PCNX2: variants seen among roughly 807,000 people sequenced by gnomAD.
The protein encoded by PCNX2 is pecanex 2, also known as pecanex-like protein 2.
Under a neutral mutation model 223.8 loss-of-function variants are expected in PCNX2, and 168 were observed. That is an observed-to-expected ratio of 0.75 (90% CI 0.66 to 0.85). The LOEUF (loss-of-function observed/expected upper bound fraction) is 0.85. Among genes scored for constraint, PCNX2 ranks in the 40% least tolerant of loss-of-function variants. The pLI is 0.00. For synonymous variants in PCNX2, 1,006 were observed against 1,052.6 expected (o/e 0.96, Z 0.86); for missense variants, 2,507 against 2,675.5 (o/e 0.94, Z 1.39).
intron 15 of PCNX2, among the ~76,000 whole-genome samples, chr1:233,194,781 C>G (rs1680625931): frequency 6.6e-6 from 1 of 152,018 alleles, no homozygotes; most frequent in African/African-American, 2.4e-5. Flanking sequence ...CTTTGGGAGG[C>G]CGAGGCAGGC....
chr1:233,238,365 C>A (rs755929550), intron 8 of PCNX2, among the ~76,000 whole-genome samples: 1 of 152,112 alleles, frequency 6.6e-6, no homozygotes, highest in African/African-American at 2.4e-5. Context: ...CATAAACACA[C>A]CAATAGTTAT....
intron 1 of PCNX2, among the ~76,000 whole-genome samples, chr1:233,276,224 A>C (rs1348050167): frequency 2.6e-5 from 4 of 152,220 alleles, no homozygotes; most frequent in African/African-American, 9.6e-5. Flanking sequence ...AATCACGAAC[A>C]AGCAAATTCT....
At position 233,164,903 on chromosome 1, in the gene PCNX2, T is replaced by G. The variant is rs536456849; in HGVS notation, c.3274-3540A>C. Among the ~76,000 whole-genome samples the G allele has an allele frequency of 9.9e-5, 15 of 152,044 alleles. No homozygotes were observed. The South Asian group carries it at 2.3e-3, about 23-fold the overall frequency. ...GGGGAGAAGGAAGGGGGAGGAGAGA[T>G]TGTTCAATGAATACAAAATTATAGT... On this transcript the variant is annotated intron_variant, in intron 17 of 33. Coordinates refer to ENST00000258229, the MANE Select transcript of PCNX2 (RefSeq NM_014801.4).
intron 25 of PCNX2, among the ~76,000 whole-genome samples, chr1:233,032,203 A>G (rs565737472): frequency 1.3e-5 from 2 of 152,112 alleles, no homozygotes; most frequent in South Asian, 4.1e-4. Context: ...CCCGGGTTCA[A>G]GCGATTTTCC....
rs1190908934 is a variant in PCNX2 at position 233,000,555 on chromosome 1, G to A, written c.5098-20C>T. 3 of 1,556,296 alleles carry A rather than the reference G, an allele frequency of 1.9e-6. No homozygotes were observed. The highest frequency in any genetic ancestry group is 3.8e-5 in the Admixed American group (2 of 52,606). ...CTGGTCCTGGTGGGAAGAAGTGTGG[G>A]TGTGGGCTGGGCAAGGACCAGAGGA... On this transcript the variant is annotated intron_variant, in intron 29 of 33. Coordinates refer to ENST00000258229, the MANE Select transcript of PCNX2 (RefSeq NM_014801.4). This position sits in a 1 kb window ranked among gnomAD's most constrained non-coding sequence, Gnocchi z 4.6.
chr1:233,034,225 A>G (rs1671368675), intron 25 of PCNX2, among the ~76,000 whole-genome samples: 1 of 152,112 alleles, frequency 6.6e-6, no homozygotes, highest in African/African-American at 2.4e-5. Flanking sequence ...ACAAACAAAC[A>G]AAGAAACAAG....
intron 13 of PCNX2, among the ~76,000 whole-genome samples, chr1:233,207,470 A>T (rs1186148549): frequency 3.3e-5 from 5 of 152,192 alleles, no homozygotes; most frequent in African/African-American, 1.2e-4. Flanking sequence ...AAACCCCTGG[A>T]TGTCTCTGCA....
At chr1:233,134,061 T>A (rs1676664602) in intron 21 of PCNX2, among the ~76,000 whole-genome samples, 1 of 151,944 alleles carries the variant, frequency 6.6e-6, no homozygotes, top group Admixed American at 6.6e-5. Flanking sequence ...GGTGAAAAAA[T>A]TTTAAAAATT....
intron 9 of PCNX2, among the ~76,000 whole-genome samples, chr1:233,235,200 A>C (rs572559439): frequency 6.6e-6 from 1 of 152,204 alleles, no homozygotes; most frequent in African/African-American, 2.4e-5. Context: ...GAGAATAAAC[A>C]GTCCCAAAAG....
chr1:233,235,404 G>A (rs115833812), intron 9 of PCNX2, among the ~76,000 whole-genome samples: 17 of 152,114 alleles, frequency 1.1e-4, no homozygotes, highest in African/African-American at 4.1e-4. Flanking sequence ...CCCCACTTCA[G>A]CTTCCCAAAG....
chr1:233,296,002 C>CT (rs61285792), upstream of PCNX2, among the ~76,000 whole-genome samples: 35 of 134,528 alleles, frequency 2.6e-4, 1 homozygote, highest in South Asian at 6.9e-4. Context: ...TTCTTTCTTT[C>CT]TTTTTTTTTT....
chr1:233,244,081 G>A (rs1025800435), intron 8 of PCNX2, among the ~76,000 whole-genome samples: 3 of 152,102 alleles, frequency 2.0e-5, no homozygotes, highest in Non-Finnish European at 4.4e-5. Flanking sequence ...CGCCCGCCAT[G>A]GCCTCCCAAA....
At chr1:232,997,184 G>T (rs1176577705) in intron 32 of PCNX2, among the ~76,000 whole-genome samples, 2 of 152,242 alleles carry the variant, frequency 1.3e-5, no homozygotes, top group East Asian at 1.9e-4. Flanking sequence ...CCACAGTTGG[G>T]TCTGTCGCTT....
In PCNX2 at chr1:233,116,789, A is replaced by G. The variant is rs1675436689; in HGVS notation, c.3837+18224T>C. On this transcript the variant is annotated intron_variant, in intron 21 of 33. Transcript: ENST00000258229. ...AAATCCCAAGAGAAGAAAGAAAATAATAAAGATAAAAGCAGAAATCTATGA... is the reference window on the plus strand; with the variant it reads ...AAATCCCAAGAGAAGAAAGAAAATAGTAAAGATAAAAGCAGAAATCTATGA... 2.6e-5 allele frequency among the ~76,000 whole-genome samples: 4 copies of G among 152,126 alleles called. No individual in the cohort carries two copies. In the South Asian group the frequency reaches 8.3e-4, roughly 31 times the overall value.
intron 23 of PCNX2, among the ~76,000 whole-genome samples, chr1:233,068,112 T>C (rs1558200705): frequency 6.6e-6 from 1 of 152,190 alleles, no homozygotes; most frequent in Non-Finnish European, 1.5e-5. Context: ...TTCTGAATTA[T>C]TGCAGATTTC....
rs1360464529 is a variant in PCNX2, at chr1:233,292,198, C to CTTT, written c.153+3125_153+3127dup. Among the ~76,000 whole-genome samples, 371 of 134,094 alleles carry CTTT rather than the reference C, an allele frequency of 2.8e-3. 6 individuals are homozygous for CTTT. The highest frequency in any genetic ancestry group is 0.01 in the African/African-American group (338 of 33,674). 88.0% of individuals were successfully genotyped at this position (134,094 alleles called of 152,430 possible). On this transcript the variant is annotated intron_variant, in intron 1 of 33. Coordinates refer to ENST00000258229, the MANE Select transcript of PCNX2 (RefSeq NM_014801.4). ...TTCAATAGTGAAACTTTCTTTCTTT[C>CTTT]TTTCTTTTTTTTTTTTTTTTTTTTT...
chr1:233,112,747 T>C (rs1675186113), intron 21 of PCNX2: 1 of 991,506 alleles, frequency 1.0e-6, no homozygotes, highest in East Asian at 6.1e-5. Flanking sequence ...TATTATAGTA[T>C]ACTTTGGCAT....
At chr1:233,167,330 A>C (rs968902057) in intron 17 of PCNX2, among the ~76,000 whole-genome samples, 4 of 151,026 alleles carry the variant, frequency 2.6e-5, no homozygotes, top group East Asian at 2.0e-4. Flanking sequence ...TTTTATGTAG[A>C]ATCTAAAGAG....
chr1:233,286,384 CT>C (rs1216346877), intron 1 of PCNX2, among the ~76,000 whole-genome samples: 1 of 151,702 alleles, frequency 6.6e-6, no homozygotes, highest in Non-Finnish European at 1.5e-5. Flanking sequence ...CAGTGGACTG[CT>C]GTCTGATTCC....
Sources: allele counts gnomAD v4.1 joint callset (sites outside exome capture counted in the v4.1 genomes callset), GRCh38; gene constraint gnomAD v4.1.1; non-coding constraint Gnocchi (gnomAD v3.1); transcripts MANE v1.5; gene names NCBI Gene and HGNC (gene_info 2026-07-23, HGNC 2026-07-21).